PTPRD: variants seen among roughly 807,000 people sequenced by gnomAD.
The protein encoded by PTPRD is receptor-type tyrosine-protein phosphatase delta.
A neutral mutation model predicts 214.5 loss-of-function variants in PTPRD; 34 were observed. That is an observed-to-expected ratio of 0.16 (90% CI 0.12 to 0.21). The LOEUF (loss-of-function observed/expected upper bound fraction) is 0.21, where lower values mean the gene tolerates loss of function less well. Among genes scored for constraint, PTPRD ranks in the 10% least tolerant of loss-of-function variants. PTPRD has a pLI of 1.00. For missense variants in PTPRD, 2,545 were observed against 2,398.7 expected (o/e 1.06, Z -1.27); for synonymous variants, 1,128 against 845.7 (o/e 1.33, Z -5.79).
At chr9:9,478,279 C>T (rs1358262615) in intron 8 of PTPRD, among the ~76,000 whole-genome samples, 1 of 152,120 alleles carries the variant, frequency 6.6e-6, no homozygotes, top group Non-Finnish European at 1.5e-5. Flanking sequence ...TGACTGACTT[C>T]AGGCAAGTAA....
intron 3 of PTPRD, among the ~76,000 whole-genome samples, chr9:10,117,978 A>G (rs1409965950): frequency 1.3e-5 from 2 of 152,014 alleles, no homozygotes; most frequent in African/African-American, 4.8e-5. Flanking sequence ...TGGAACTATT[A>G]CCTGATACTT....
Position 10,393,938 on chromosome 9 carries a change from T to C in PTPRD, c.-599-52921A>G, listed in dbSNP as rs986015799. ...TATGCTTGATTATATCTTTGCTATA[T>C]GCTAGAAAATGCACTAAACTCTTAG... On this transcript the variant is annotated intron_variant, in intron 2 of 45. Transcript: ENST00000381196. Among the ~76,000 whole-genome samples the C allele has an allele frequency of 2.7e-5, 4 of 148,158 alleles. No homozygotes were observed. The East Asian group carries it at 7.9e-4, about 29-fold the overall frequency.
chr9:9,554,818 G>C (rs1273418395), intron 8 of PTPRD, among the ~76,000 whole-genome samples: 3 of 151,962 alleles, frequency 2.0e-5, no homozygotes, highest in Non-Finnish European at 1.5e-5. Flanking sequence ...ATAATGTCAA[G>C]GTATAATCAT....
At chr9:10,116,727 C>T (rs962896459) in intron 3 of PTPRD, among the ~76,000 whole-genome samples, 8 of 152,084 alleles carry the variant, frequency 5.3e-5, no homozygotes, top group Non-Finnish European at 1.2e-4. Context: ...GAAAACCCTC[C>T]AAAGGCTCCC....
intron 7 of PTPRD, among the ~76,000 whole-genome samples, chr9:9,709,960 T>C (rs1331959411): frequency 6.6e-6 from 1 of 152,084 alleles, no homozygotes; most frequent in Non-Finnish European, 1.5e-5. Context: ...TACAAAATTA[T>C]CTTCTAGTCT....
At chr9:9,073,364 T>A (rs368882009) in intron 10 of PTPRD, among the ~76,000 whole-genome samples, 132 of 152,332 alleles carry the variant, frequency 8.7e-4, no homozygotes, top group South Asian at 1.4e-3. Context: ...CTTCTTTTTT[T>A]AAAAAATCAA....
At position 10,351,994 on chromosome 9, in the gene PTPRD, T is replaced by C. The variant is rs148320162; in HGVS notation, c.-599-10977A>G. Among the ~76,000 whole-genome samples, 360 of 152,154 alleles carry C rather than the reference T, an allele frequency of 2.4e-3. 7 individuals are homozygous for C. Among genetic ancestry groups the C allele is most frequent in the Admixed American group, 0.021 (324 of 15,286 alleles). On this transcript the variant is annotated intron_variant, in intron 2 of 45. Transcript: ENST00000381196. ...TGCCAATTAACTGTGGAGGCATTGA[T>C]AGGTAAATCCTATTTCATTAAGCTT...
At chr9:9,779,973 G>A (rs2098830177) in intron 5 of PTPRD, among the ~76,000 whole-genome samples, 2 of 152,148 alleles carry the variant, frequency 1.3e-5, no homozygotes, top group South Asian at 4.1e-4. Context: ...TCATCATTGT[G>A]TCATTCATCA....
At chr9:9,230,742 T>C (rs2099962587) in intron 9 of PTPRD, among the ~76,000 whole-genome samples, 1 of 152,104 alleles carries the variant, frequency 6.6e-6, no homozygotes, top group Non-Finnish European at 1.5e-5. Flanking sequence ...AAACAGTGTT[T>C]CTCCAGACTA....
chr9:9,964,751 A>G (rs1241928247), intron 4 of PTPRD, among the ~76,000 whole-genome samples: 1 of 152,194 alleles, frequency 6.6e-6, no homozygotes, highest in Non-Finnish European at 1.5e-5. Context: ...TCCATTGCTT[A>G]TAACTTAGTG....
intron 9 of PTPRD, among the ~76,000 whole-genome samples, chr9:9,358,435 T>C (rs1472114832): frequency 2.0e-5 from 3 of 151,306 alleles, no homozygotes; most frequent in Admixed American, 1.3e-4. Context: ...AATACTTTAA[T>C]AAATATTCCT....
chr9:9,854,884 C>T (rs2061256303), intron 5 of PTPRD, among the ~76,000 whole-genome samples: 1 of 152,146 alleles, frequency 6.6e-6, no homozygotes, highest in African/African-American at 2.4e-5. Flanking sequence ...GTAGCACTAA[C>T]TTTAGTTTAT....
intron 3 of PTPRD, among the ~76,000 whole-genome samples, chr9:10,340,377 C>T (rs1462863866): frequency 6.6e-6 from 1 of 151,880 alleles, no homozygotes; most frequent in African/African-American, 2.4e-5. Context: ...TTAGTTTTCT[C>T]TTAGCACCTT....
At position 9,874,227 on chromosome 9, in the gene PTPRD, G is replaced by C. The variant is rs553876820; in HGVS notation, c.-368+64280C>G. On this transcript the variant is annotated intron_variant, in intron 5 of 45. Transcript: ENST00000381196. ...TGGAGTGAGACAGGAGGCCGAAGAC[G>C]AGAGAGAGGGCTATGTATACAGGGG... is the stretch of plus-strand genomic sequence containing the variant. 3.3e-5 allele frequency among the ~76,000 whole-genome samples: 5 copies of C among 152,254 alleles called. No individual in the cohort carries two copies. In the South Asian group the frequency reaches 8.3e-4, roughly 25 times the overall value.
At chr9:10,235,780 G>A (rs532193284) in intron 3 of PTPRD, among the ~76,000 whole-genome samples, 34 of 152,064 alleles carry the variant, frequency 2.2e-4, no homozygotes, top group African/African-American at 6.0e-4. Context: ...TCTAATGAGC[G>A]ATTAAAATGA....
At chr9:10,435,324 C>CT (rs1555343639) in intron 2 of PTPRD, among the ~76,000 whole-genome samples, 4 of 151,910 alleles carry the variant, frequency 2.6e-5, no homozygotes, top group Non-Finnish European at 1.5e-5. Context: ...CCTAATAGCA[C>CT]TTTACACGAC....
intron 5 of PTPRD, among the ~76,000 whole-genome samples, chr9:9,824,641 T>C (rs77869044): frequency 0.018 from 2,772 of 152,140 alleles, 77 homozygotes; most frequent in African/African-American, 0.064. Flanking sequence ...CTGGAACATA[T>C]TTCAGTTGTA....
At chr9:8,870,729 C>CACACAG (rs1555457923) in intron 11 of PTPRD, among the ~76,000 whole-genome samples, 7 of 151,180 alleles carry the variant, frequency 4.6e-5, no homozygotes, top group Non-Finnish European at 4.4e-5. Flanking sequence ...CACACACACA[C>CACACAG]GGGAGTTCAG....
At chr9:8,955,743 G>T (rs1266460705) in intron 11 of PTPRD, among the ~76,000 whole-genome samples, 1 of 151,534 alleles carries the variant, frequency 6.6e-6, no homozygotes, top group Non-Finnish European at 1.5e-5. Context: ...TAAAATGTAT[G>T]CCTTTTAATT....
Sources: allele counts gnomAD v4.1 joint callset (sites outside exome capture counted in the v4.1 genomes callset), GRCh38; gene constraint gnomAD v4.1.1; transcripts MANE v1.5; gene names NCBI Gene and HGNC (gene_info 2026-07-23, HGNC 2026-07-21).